Variants in NXPE2 observed in about 807,000 individuals in gnomAD.
The protein encoded by NXPE2 is NXPE family member 2.
In NXPE2, 34 loss-of-function variants were observed where a neutral mutation model predicts 34.4. The observed-to-expected ratio is 0.99, with a 90% confidence interval of 0.75 to 1.31. The LOEUF (loss-of-function observed/expected upper bound fraction) is 1.31. Among genes scored for constraint, NXPE2 ranks in the 40% most tolerant of loss-of-function variants. The probability of loss-of-function intolerance (pLI) is 0.00; values close to 1 mark genes in which losing one functional copy is unlikely to be tolerated. For missense variants in NXPE2, 649 were observed against 672.5 expected (o/e 0.97, Z 0.39); for synonymous variants, 235 against 231.3 (o/e 1.02, Z -0.15).
the NXPE2 span, among the ~76,000 whole-genome samples, chr11:114,489,754 C>A: frequency 3.6e-4 from 55 of 152,310 alleles, no homozygotes; most frequent in African/African-American, 1.3e-3. Flanking sequence ...CAGTGTCATA[C>A]TGAATGGACA....
At chr11:114,582,525 C>T in the NXPE2 span, 1 of 1,614,112 alleles carries the variant, frequency 6.2e-7, no homozygotes, top group Non-Finnish European at 8.5e-7. Flanking sequence ...CCTGTCATAG[C>T]CTTGGTTCCT....
At chr11:114,678,822 A>T (rs1368703393) in intron 1 of NXPE2, among the ~76,000 whole-genome samples, 1 of 150,576 alleles carries the variant, frequency 6.6e-6, no homozygotes, top group Admixed American at 6.6e-5. Flanking sequence ...TGTAGATAGT[A>T]TTGTTTTATG....
At chr11:114,632,349 T>A in the NXPE2 span, among the ~76,000 whole-genome samples, 1 of 134,242 alleles carries the variant, frequency 7.4e-6, no homozygotes. Context: ...GAATATATAA[T>A]ATATAAATAT....
At chr11:114,601,797 T>G in the NXPE2 span, among the ~76,000 whole-genome samples, 1 of 68,434 alleles carries the variant, frequency 1.5e-5, no homozygotes, top group African/African-American at 7.6e-5. Flanking sequence ...ATGTGATATA[T>G]GATTATATAT....
At chr11:114,639,617 C>T in the NXPE2 span, among the ~76,000 whole-genome samples, 4 of 147,858 alleles carry the variant, frequency 2.7e-5, no homozygotes, top group South Asian at 6.3e-4. Flanking sequence ...TTGGCTGCCC[C>T]ACCTATGTAA....
the NXPE2 span, among the ~76,000 whole-genome samples, chr11:114,740,048 G>GT: frequency 6.6e-6 from 1 of 151,732 alleles, no homozygotes; most frequent in Non-Finnish European, 1.5e-5. Context: ...TATATACTAT[G>GT]TTTTTTTCCT....
At chr11:114,729,530 G>A in the NXPE2 span, among the ~76,000 whole-genome samples, 1 of 152,128 alleles carries the variant, frequency 6.6e-6, no homozygotes, top group Non-Finnish European at 1.5e-5. Flanking sequence ...CCCACCAACA[G>A]TGTATAAACA....
At chr11:114,557,649 A>G in the NXPE2 span, among the ~76,000 whole-genome samples, 68 of 47,450 alleles carry the variant, frequency 1.4e-3, no homozygotes, top group Non-Finnish European at 2.1e-3. Flanking sequence ...ATATATATAT[A>G]TATATATATA....
the NXPE2 span, among the ~76,000 whole-genome samples, chr11:114,575,851 T>C: frequency 6.6e-6 from 1 of 151,932 alleles, no homozygotes; most frequent in Non-Finnish European, 1.5e-5. Flanking sequence ...AAAAAACAAT[T>C]CTAAAATTCA....
At chr11:114,495,966 T>C in the NXPE2 span, among the ~76,000 whole-genome samples, 2 of 152,098 alleles carry the variant, frequency 1.3e-5, no homozygotes, top group Non-Finnish European at 2.9e-5. Flanking sequence ...CAAGCTGCAC[T>C]GCTTGGGGTT....
the NXPE2 span, among the ~76,000 whole-genome samples, chr11:114,568,868 A>T: frequency 6.6e-6 from 1 of 152,060 alleles, no homozygotes; most frequent in Admixed American, 6.5e-5. Flanking sequence ...TTTGTTTATT[A>T]TCTTTTTCCT....
chr11:114,684,951 A>G (rs1470576199), intron 2 of NXPE2, among the ~76,000 whole-genome samples: 3 of 152,156 alleles, frequency 2.0e-5, no homozygotes, highest in African/African-American at 7.2e-5. Context: ...GTCTACCTGG[A>G]GGATGTCAAG....
chr11:114,746,001 T>C, the NXPE2 span, among the ~76,000 whole-genome samples: 1 of 152,072 alleles, frequency 6.6e-6, no homozygotes, highest in Non-Finnish European at 1.5e-5. Context: ...CATAATACAT[T>C]TTGTATAAAT....
the NXPE2 span, among the ~76,000 whole-genome samples, chr11:114,626,168 C>A: frequency 1.9e-4 from 29 of 152,262 alleles, 1 homozygote; most frequent in Middle Eastern, 3.4e-3. Flanking sequence ...CTGGGTGGAG[C>A]CCACCACAGC....
the NXPE2 span, among the ~76,000 whole-genome samples, chr11:114,801,677 A>C: frequency 1.3e-5 from 1 of 74,152 alleles, no homozygotes; most frequent in African/African-American, 4.6e-5. Context: ...AAAGGAGAAG[A>C]AAAGGAGTAG....
chr11:114,515,674 G>C, the NXPE2 span, among the ~76,000 whole-genome samples: 4 of 152,200 alleles, frequency 2.6e-5, no homozygotes, highest in Non-Finnish European at 5.9e-5. Context: ...ACTGAATTCA[G>C]AGTTTCTGGG....
the NXPE2 span, among the ~76,000 whole-genome samples, chr11:114,488,969 A>G: frequency 6.6e-6 from 1 of 152,190 alleles, no homozygotes; most frequent in Admixed American, 6.5e-5. Context: ...TAGCAAGACT[A>G]ATAAAGAAGA....
chr11:114,487,885 G>A, the NXPE2 span, among the ~76,000 whole-genome samples: 3 of 152,106 alleles, frequency 2.0e-5, no homozygotes, highest in South Asian at 2.1e-4. Context: ...TCATTTTAAT[G>A]TGTTGTTGAA....
chr11:114,680,997 T>C (rs759346771), intron 2 of NXPE2, among the ~76,000 whole-genome samples: 15 of 152,164 alleles, frequency 9.9e-5, no homozygotes, highest in Non-Finnish European at 1.6e-4. Flanking sequence ...TCTCTACTTT[T>C]ATCTCTCCAG....
Sources: gnomAD v4.1 joint callset for allele counts (sites outside exome capture counted in the v4.1 genomes callset) on GRCh38, gnomAD v4.1.1 for gene constraint, MANE v1.5 for transcripts, NCBI Gene and HGNC (gene_info 2026-07-23, HGNC 2026-07-21) for gene names.